LRP1B: variants seen among roughly 807,000 people sequenced by gnomAD.
The protein encoded by LRP1B is low-density lipoprotein receptor-related protein 1B.
A neutral mutation model predicts 556.6 loss-of-function variants in LRP1B; 217 were observed. The ratio of observed to expected loss-of-function variants is 0.39; its 90% CI spans 0.35 to 0.44. The LOEUF is 0.44. Ranked by LOEUF, LRP1B falls within the 20% of genes least tolerant of loss-of-function variation. LRP1B has a pLI of 1.00. For missense variants in LRP1B, 5,053 were observed against 5,620.8 expected (o/e 0.90, Z 3.23); for synonymous variants, 2,047 against 1,865.8 (o/e 1.10, Z -2.50).
At chr2:141,290,005 C>T (rs1369173402) in intron 3 of LRP1B, among the ~76,000 whole-genome samples, 1 of 152,068 alleles carries the variant, frequency 6.6e-6, no homozygotes, top group Non-Finnish European at 1.5e-5. Context: ...ACTTGAGGCT[C>T]AGTCAATTTA....
chr2:141,480,288 C>G (rs1559095561), intron 3 of LRP1B, 108 bp downstream of exon 3: 3 of 1,165,790 alleles, frequency 2.6e-6, no homozygotes, highest in Non-Finnish European at 3.8e-6. Flanking sequence ...TTCTTAATAA[C>G]TGATATGCTT....
intron 2 of LRP1B, among the ~76,000 whole-genome samples, chr2:141,537,404 T>C (rs1685102353): frequency 6.6e-6 from 1 of 152,186 alleles, no homozygotes; most frequent in East Asian, 1.9e-4. Flanking sequence ...GAAAATGAAA[T>C]AGATTTTATT....
At chr2:141,750,134 T>G (rs188040474) in intron 2 of LRP1B, among the ~76,000 whole-genome samples, 23 of 152,218 alleles carry the variant, frequency 1.5e-4, no homozygotes, top group Middle Eastern at 3.4e-3. Context: ...AGTAGAGATA[T>G]ATAGTGTTAA....
Position 140,787,247 on chromosome 2 carries a change from T to A in LRP1B, c.5360-11009A>T, listed in dbSNP as rs368070377. 2.5e-4 allele frequency among the ~76,000 whole-genome samples: 38 copies of A among 152,314 alleles called. 2 individuals carry two copies. The highest frequency in any genetic ancestry group is 1.9e-3 in the East Asian group (10 of 5,178). On this transcript the variant is annotated intron_variant, in intron 32 of 90. Transcript: ENST00000389484. ...AATATAGAGTTGATAGTATTTCTGG[T>A]TTCCAAAAGGATAAATCCCAAACAT...
chr2:140,238,340 T>C, intron 88 of LRP1B, 44 bp from the exon 89 acceptor site: 1 of 1,044,422 alleles, frequency 9.6e-7, no homozygotes, highest in Non-Finnish European at 1.4e-6. Flanking sequence ...TGTATAAATA[T>C]CACAATCAAG....
rs2105464239 is a variant in LRP1B, at chr2:140,716,734, G to A, written c.5841C>T (p.Ile1947=). The change falls in exon 36 of 91, where the codon ATC becomes ATT. Residue 1947 remains isoleucine (I), a synonymous_variant. Coordinates refer to ENST00000389484, the MANE Select transcript of LRP1B (RefSeq NM_018557.3). ...AKRDQTWKED[I]ITNGLGRVEG... is the part of the protein sequence containing the mutation. The stretch of plus-strand genomic sequence containing the variant: ...CCACTCTTCCCAAGCCATTGGTAAT[G>A]ATATCTTCTTTCCAAGTCTGATCTC... 6.2e-7 allele frequency: 1 copy of A among 1,611,352 alleles called. No individual in the cohort carries two copies. Among genetic ancestry groups the A allele is most frequent in the Admixed American group, 1.7e-5 (1 of 59,914 alleles).
At chr2:141,573,690 A>C (rs1345919245) in intron 2 of LRP1B, among the ~76,000 whole-genome samples, 1 of 151,968 alleles carries the variant, frequency 6.6e-6, no homozygotes, top group Non-Finnish European at 1.5e-5. Flanking sequence ...AAATCAAAAA[A>C]ATAGACCACT....
intron 7 of LRP1B, among the ~76,000 whole-genome samples, chr2:141,161,504 C>A (rs1197177434): frequency 6.6e-6 from 1 of 152,090 alleles, no homozygotes; most frequent in Admixed American, 6.6e-5. Flanking sequence ...GACTAGAATT[C>A]TATCACCAAA....
At chr2:141,143,526 C>T (rs1199352330) in intron 7 of LRP1B, among the ~76,000 whole-genome samples, 1 of 152,160 alleles carries the variant, frequency 6.6e-6, no homozygotes, top group Non-Finnish European at 1.5e-5. Context: ...TTGTATACTG[C>T]TAAATTCCTA....
chr2:141,127,910 T>TA (rs1252333780), intron 7 of LRP1B, among the ~76,000 whole-genome samples: 1 of 152,236 alleles, frequency 6.6e-6, no homozygotes, highest in Non-Finnish European at 1.5e-5. Flanking sequence ...TCCCTTGACT[T>TA]ACATGAGTCC....
chr2:141,601,227 T>TATCTATCG (rs1222494454), intron 2 of LRP1B, among the ~76,000 whole-genome samples: 3 of 152,130 alleles, frequency 2.0e-5, no homozygotes, highest in African/African-American at 7.2e-5. Context: ...TCTATCTATC[T>TATCTATCG]ATCTATCTAT....
At chr2:141,640,651 G>C (rs775153096) in intron 2 of LRP1B, among the ~76,000 whole-genome samples, 11 of 152,154 alleles carry the variant, frequency 7.2e-5, no homozygotes, top group Non-Finnish European at 1.6e-4. Context: ...AAAAGTAGCC[G>C]GGCATGATGG....
At chr2:140,934,756 G>A (rs2105276833) in intron 20 of LRP1B, among the ~76,000 whole-genome samples, 2 of 152,246 alleles carry the variant, frequency 1.3e-5, no homozygotes, top group Middle Eastern at 6.8e-3. Flanking sequence ...CATTGTCATT[G>A]CACCTCTCTC....
At chr2:141,848,145 C>T (rs1223283166) in intron 1 of LRP1B, among the ~76,000 whole-genome samples, 2 of 151,406 alleles carry the variant, frequency 1.3e-5, no homozygotes, top group Non-Finnish European at 3.0e-5. Flanking sequence ...AAGTAAATGA[C>T]ACATAAATAC....
rs1321440564 is a variant in LRP1B at position 141,254,634 on chromosome 2, T to A, written c.351A>T (p.Leu117Phe). The A allele has an allele frequency of 4.4e-6, 7 of 1,607,950 alleles. No individual in the cohort carries two copies. The highest frequency in any genetic ancestry group is 5.1e-6 in the Non-Finnish European group (6 of 1,175,574). ...GACAATTCAGCTGTTGGCAATTGGA[T>A]AACAGTTCTGTAGAGAAAAAACAAA... ...YDEGVHCQEL[L>F]SNCQQLNCQY... The change falls in exon 4 of 91, where the codon TTA becomes TTT. Residue 117 changes from leucine (L) to phenylalanine (F), a missense_variant. By Grantham distance (22) the Leu-to-Phe change is conservative. Transcript: ENST00000389484.
intron 86 of LRP1B, among the ~76,000 whole-genome samples, chr2:140,249,531 T>C (rs1009977215): frequency 1.3e-5 from 2 of 151,580 alleles, no homozygotes; most frequent in Non-Finnish European, 3.0e-5. Context: ...TTACTTATTA[T>C]ATATTGGAAA....
intron 6 of LRP1B, among the ~76,000 whole-genome samples, chr2:141,221,124 A>C (rs1489255638): frequency 6.6e-6 from 1 of 152,166 alleles, no homozygotes; most frequent in Non-Finnish European, 1.5e-5. Flanking sequence ...GATAAAAAGA[A>C]AAGACCCATT....
intron 1 of LRP1B, among the ~76,000 whole-genome samples, chr2:141,917,861 ATG>A (rs1700080566): frequency 6.6e-6 from 1 of 152,194 alleles, no homozygotes; most frequent in Admixed American, 6.5e-5. Context: ...ACCTGAAAGT[ATG>A]TGTCTTTAGT....
intron 41 of LRP1B, among the ~76,000 whole-genome samples, chr2:140,690,806 C>T (rs1193045040): frequency 6.6e-6 from 1 of 152,024 alleles, no homozygotes; most frequent in African/African-American, 2.4e-5. Context: ...TTATTTTTAC[C>T]CTTTTCCTAT....
Sources: allele counts gnomAD v4.1 joint callset (sites outside exome capture counted in the v4.1 genomes callset), GRCh38; gene constraint gnomAD v4.1.1; transcripts MANE v1.5; gene names NCBI Gene and HGNC (gene_info 2026-07-23, HGNC 2026-07-21).